Variants in RNASEL observed in about 807,000 individuals in gnomAD.
RNASEL encodes the protein 2-5A-dependent ribonuclease.
RNASEL carries 36 observed loss-of-function variants against 50.9 expected under a neutral mutation model. The observed-to-expected ratio is 0.71, with a 90% CI of 0.54 to 0.93. The LOEUF (loss-of-function observed/expected upper bound fraction) is 0.93. Ranked by LOEUF, RNASEL falls within the 40% of genes least tolerant of loss-of-function variation. RNASEL has a pLI of 0.00. For synonymous variants in RNASEL, 335 were observed against 335.6 expected (o/e 1.00, Z 0.02); for missense variants, 860 against 894.5 (o/e 0.96, Z 0.49).
chr1:182,579,759 ACAAGTT>A (rs1047574065), intron 5 of RNASEL: 2 of 1,165,482 alleles, frequency 1.7e-6, no homozygotes, highest in Non-Finnish European at 2.2e-6. Context: ...AAATAAAAGA[ACAAGTT>A]CCTCTTTCCA....
chr1:182,576,340 C>A lies in RNASEL; in HGVS notation c.1955G>T (p.Gly652Val), dbSNP rs1398840328. ...KKMNKFYEKR[G>V]NFYQNTVGDL... Reference sequence around the variant, plus strand: ...ACCCACAGTGTTCTGGTAGAAATTGCCTCTTTTTTCATAAAACTTATTCAT... The same window carrying A: ...ACCCACAGTGTTCTGGTAGAAATTGACTCTTTTTTCATAAAACTTATTCAT... The change falls in exon 6 of 7, where the codon GGC (glycine) becomes GTC (valine). Residue 652 changes from glycine (G) to valine (V), a missense_variant. Coordinates refer to ENST00000367559, the MANE Select transcript of RNASEL (RefSeq NM_021133.4). 3.1e-6 allele frequency: 5 copies of A among 1,605,058 alleles called. No homozygotes were observed. The highest frequency in any genetic ancestry group is 3.4e-6 in the Non-Finnish European group (4 of 1,172,772).
intron 3 of RNASEL, among the ~76,000 whole-genome samples, chr1:182,582,575 T>TGTTTAAACACAGGGAGAAC (rs1466120002): frequency 1.3e-5 from 2 of 152,092 alleles, no homozygotes; most frequent in African/African-American, 4.8e-5. Flanking sequence ...AAAGGGAGAA[T>TGTTTAAACACAGGGAGAAC]GCTTTAAACA....
rs546259318 is a variant in RNASEL, at chr1:182,585,662, C to T, written c.1145G>A (p.Gly382Glu). 1 of 1,614,132 alleles carries T rather than the reference C, an allele frequency of 6.2e-7. No homozygotes were observed. The highest frequency in any genetic ancestry group is 1.3e-5 in the African/African-American group (1 of 75,014). The change falls in exon 2 of 7, where the codon GGG (glycine) becomes GAG (glutamate). Residue 382 changes from glycine (G) to glutamate (E), a missense_variant. Transcript: ENST00000367559. ...ADTSEGGIYL[G>E]FYEKQEVAVK... ...AGCTACTTCTTGCTTCTCATAGAAC[C>T]CCAGGTAGATGCCTCCTTCTGAAGT...
Position 182,573,821 on chromosome 1 carries a change from C to A in RNASEL, c.*1571G>T. 1 of 188,176 alleles carries A rather than the reference C, an allele frequency of 5.3e-6. No homozygotes were observed. Among genetic ancestry groups the A allele is most frequent in the East Asian group, 8.6e-5 (1 of 11,672 alleles). 11.7% of individuals were successfully genotyped at this position (188,176 alleles called of 1,614,324 possible). A position where few individuals can be genotyped will look rare whatever the true frequency, so the allele number is the denominator to read the frequency against. On this transcript the variant is annotated 3_prime_UTR_variant, in exon 7 of 7. Coordinates refer to ENST00000367559, the MANE Select transcript of RNASEL (RefSeq NM_021133.4). Reference sequence around the variant, plus strand: ...AACATTTAATTTCATTCAGTGGTATCTATTTATCCATTGCTAGATACCTCC... The same window carrying A: ...AACATTTAATTTCATTCAGTGGTATATATTTATCCATTGCTAGATACCTCC...
intron 5 of RNASEL, among the ~76,000 whole-genome samples, chr1:182,580,212 A>G (rs1331105148): frequency 6.6e-6 from 1 of 152,198 alleles, no homozygotes; most frequent in Non-Finnish European, 1.5e-5. Context: ...TTTAGTAAAG[A>G]GTCATGGCAC....
chr1:182,575,666 C>T (rs865921708), intron 6 of RNASEL, 88 bp from the exon 7 acceptor site: 19 of 1,521,652 alleles, frequency 1.2e-5, no homozygotes, highest in Middle Eastern at 1.7e-4. Flanking sequence ...TCTCTTTGCT[C>T]GCTTGATTTC....
intron 6 of RNASEL, 21 bp downstream of exon 6, chr1:182,576,235 A>T (rs1487889047): frequency 6.2e-7 from 1 of 1,601,084 alleles, no homozygotes; most frequent in Non-Finnish European, 8.5e-7. Context: ...TATAATTTGT[A>T]GGAATGAAAA....
intron 5 of RNASEL, chr1:182,578,535 C>G (rs1385734113): frequency 6.6e-6 from 1 of 152,210 alleles, no homozygotes; most frequent in Non-Finnish European, 1.5e-5. Flanking sequence ...AAAGCTGTAA[C>G]CTCTGCTTCA....
Position 182,576,340 on chromosome 1 carries a change from C to T in RNASEL, c.1955G>A (p.Gly652Asp), listed in dbSNP as rs1398840328. 1.2e-6 allele frequency: 2 copies of T among 1,604,942 alleles called. No individual in the cohort carries two copies. Among genetic ancestry groups the T allele is most frequent in the Admixed American group, 3.3e-5 (2 of 59,854 alleles). The change falls in exon 6 of 7, where the codon GGC (glycine) becomes GAC (aspartate). Residue 652 changes from glycine (G) to aspartate (D), a missense_variant. Physicochemically the swap from Gly to Asp is moderately conservative, Grantham distance 94. Coordinates refer to ENST00000367559, the MANE Select transcript of RNASEL (RefSeq NM_021133.4). ...KKMNKFYEKR[G>D]NFYQNTVGDL... ...ACCCACAGTGTTCTGGTAGAAATTG[C>T]CTCTTTTTTCATAAAACTTATTCAT...
chr1:182,586,648 G>A lies in RNASEL; in HGVS notation c.159C>T (p.Phe53=). The A allele has an allele frequency of 1.9e-6, 3 of 1,613,600 alleles. No individual in the cohort carries two copies. The South Asian group carries it at 3.3e-5, about 18-fold the overall frequency. ...GTGTCCAGCCCCCTTCCTCTTCCTG[G>A]AAATTAACATTGGCTCCACCTTCCA... ...QLLEGGANVN[F]QEEEGGWTPL... is the part of the protein sequence containing the mutation. Residue 53 remains phenylalanine (F), a synonymous_variant, in exon 2 of 7, where the codon TTC becomes TTT. Transcript: ENST00000367559.
intron 5 of RNASEL, chr1:182,579,418 A>C: frequency 4.0e-6 from 4 of 996,528 alleles, no homozygotes; most frequent in Non-Finnish European, 4.8e-6. Context: ...TGGGTCACTT[A>C]GGAAGAGTAA....
intron 5 of RNASEL, chr1:182,579,843 G>C: frequency 9.2e-6 from 6 of 653,452 alleles, no homozygotes; most frequent in Non-Finnish European, 1.2e-5. Flanking sequence ...AATTTCCTCA[G>C]TGAGTAAATG....
chr1:182,584,688 A>G (rs1240154775), intron 2 of RNASEL, among the ~76,000 whole-genome samples: 2 of 152,234 alleles, frequency 1.3e-5, no homozygotes, highest in Non-Finnish European at 2.9e-5. Flanking sequence ...TGAGGCTCAC[A>G]GTATCAAGTG....
At chr1:182,576,537 A>C in intron 5 of RNASEL, 148 bp from the exon 6 acceptor site, 1 of 690,904 alleles carries the variant, frequency 1.4e-6, no homozygotes, top group South Asian at 2.0e-5. Context: ...ATAATTTAAA[A>C]ATGGAAGTAA....
chr1:182,575,609 T>C (rs1661364396), intron 6 of RNASEL, 31 bp from the exon 7 acceptor site: 2 of 1,612,650 alleles, frequency 1.2e-6, no homozygotes, highest in African/African-American at 2.7e-5. Flanking sequence ...TTCAGCATGC[T>C]TGCCCCAAAT....
intron 4 of RNASEL, among the ~76,000 whole-genome samples, chr1:182,581,595 C>T (rs1263692429): frequency 9.5e-5 from 14 of 147,428 alleles, no homozygotes; most frequent in Non-Finnish European, 4.5e-5. Flanking sequence ...AATTCTCCTG[C>T]CTCAGCTTCC....
At chr1:182,575,659 C>G (rs1661365262) in intron 6 of RNASEL, 81 bp from the exon 7 acceptor site, 1 of 1,541,996 alleles carries the variant, frequency 6.5e-7, no homozygotes, top group Admixed American at 1.8e-5. Flanking sequence ...CTGAAGATCT[C>G]TTTGCTCGCT....
chr1:182,573,888 A>G lies in RNASEL; in HGVS notation c.*1504T>C, dbSNP rs180755960. 5.1e-6 allele frequency: 1 copy of G among 197,240 alleles called. No homozygotes were observed. Among genetic ancestry groups the G allele is most frequent in the East Asian group, 8.0e-5 (1 of 12,558 alleles). The allele number at this position is 197,240 out of a possible 1,614,324, so 12.2% of individuals were successfully genotyped here. A position where few individuals can be genotyped will look rare whatever the true frequency, so the allele number is the denominator to read the frequency against. On this transcript the variant is annotated 3_prime_UTR_variant, in exon 7 of 7. Coordinates refer to ENST00000367559, the MANE Select transcript of RNASEL (RefSeq NM_021133.4). ...AAGGTACTGTTTTATTCCCATTACAAAGCTCCATCTCAACCACCACAATGA... is the reference window on the plus strand; with the variant it reads ...AAGGTACTGTTTTATTCCCATTACAGAGCTCCATCTCAACCACCACAATGA...
At position 182,575,297 on chromosome 1, in the gene RNASEL, A is replaced by G; in HGVS notation, c.*95T>C. ...ATCAGCTATGCAACTCATCCCTCAC[A>G]AGCAACCTGGTGAGTTAAAAGGCCC... is the stretch of plus-strand genomic sequence containing the variant. On this transcript the variant is annotated 3_prime_UTR_variant, in exon 7 of 7. Transcript: ENST00000367559. The G allele has an allele frequency of 4.7e-6, 6 of 1,271,598 alleles. No homozygotes were observed. Among genetic ancestry groups the G allele is most frequent in the Non-Finnish European group, 6.9e-6 (6 of 870,102 alleles). 78.8% of individuals were successfully genotyped at this position (1,271,598 alleles called of 1,614,324 possible).
Sources: gnomAD v4.1 joint callset for allele counts (sites outside exome capture counted in the v4.1 genomes callset) on GRCh38, gnomAD v4.1.1 for gene constraint, MANE v1.5 for transcripts, NCBI Gene and HGNC (gene_info 2026-07-23, HGNC 2026-07-21) for gene names.